ROBO2: variants seen among roughly 807,000 people sequenced by gnomAD.
ROBO2 encodes roundabout homolog 2.
A neutral mutation model predicts 160.8 loss-of-function variants in ROBO2; 53 were observed. The ratio of observed to expected loss-of-function variants is 0.33; its 90% confidence interval spans 0.26 to 0.41. The LOEUF (loss-of-function observed/expected upper bound fraction) is 0.41. Among genes scored for constraint, ROBO2 ranks in the 10% least tolerant of loss-of-function variants. ROBO2 has a pLI of 1.00. For missense variants in ROBO2, 1,577 were observed against 1,722.4 expected, an observed-to-expected ratio of 0.92 and a Z score of 1.49; for synonymous variants, 664 against 611.7, an observed-to-expected ratio of 1.09 and a Z score of -1.26.
intron 2 of ROBO2, among the ~76,000 whole-genome samples, chr3:76,883,810 T>C (rs1166982): frequency 0.02 from 3,014 of 152,302 alleles, 95 homozygotes; most frequent in African/African-American, 0.069. Context: ...TGTTCAACAA[T>C]ATTATCTCTC....
At chr3:75,927,588 G>A (rs4856029) in intron 1 of ROBO2, among the ~76,000 whole-genome samples, 17,776 of 152,134 alleles carry the variant, frequency 0.12, 1,081 homozygotes, top group South Asian at 0.14. Context: ...AAGCTAACAC[G>A]AGCAGGTAGC....
intron 2 of ROBO2, among the ~76,000 whole-genome samples, chr3:76,033,555 G>A (rs1248439951): frequency 1.3e-5 from 2 of 152,204 alleles, no homozygotes; most frequent in Admixed American, 1.3e-4. Context: ...ACACTGAAAA[G>A]TTAGCAATAA....
At chr3:77,640,554 G>A (rs530637011) in intron 24 of ROBO2, among the ~76,000 whole-genome samples, 6 of 152,240 alleles carry the variant, frequency 3.9e-5, no homozygotes, top group Admixed American at 2.0e-4. Context: ...CCAAGCTGGA[G>A]ATTTTTAATT....
intron 2 of ROBO2, among the ~76,000 whole-genome samples, chr3:76,790,522 T>G (rs2108726201): frequency 6.6e-6 from 1 of 151,850 alleles, no homozygotes; most frequent in South Asian, 2.1e-4. Flanking sequence ...ATCAAAAATG[T>G]ATTTAATACA....
At chr3:76,867,336 T>C (rs577045848) in intron 2 of ROBO2, among the ~76,000 whole-genome samples, 3 of 152,332 alleles carry the variant, frequency 2.0e-5, no homozygotes, top group East Asian at 3.9e-4. Flanking sequence ...AGTCTAGTGC[T>C]ATTGAGGAAT....
At chr3:77,613,794 A>G (rs1462268495) in intron 21 of ROBO2, among the ~76,000 whole-genome samples, 3 of 152,358 alleles carry the variant, frequency 2.0e-5, no homozygotes, top group African/African-American at 4.8e-5. Context: ...AAAGTTAAAT[A>G]CTAAAATAAA....
At chr3:77,151,646 T>C (rs1368152676) in intron 2 of ROBO2, among the ~76,000 whole-genome samples, 1 of 152,202 alleles carries the variant, frequency 6.6e-6, no homozygotes, top group African/African-American at 2.4e-5. Context: ...ATGGCTTAAG[T>C]ATTTTCTTTC....
chr3:77,184,156 A>G (rs1362603117), intron 2 of ROBO2, among the ~76,000 whole-genome samples: 3 of 151,996 alleles, frequency 2.0e-5, no homozygotes, highest in Non-Finnish European at 2.9e-5. Context: ...CATAACCTGA[A>G]TCTCCAGAGC....
At chr3:77,440,948 C>T (rs1044928458) in intron 2 of ROBO2, among the ~76,000 whole-genome samples, 4 of 152,052 alleles carry the variant, frequency 2.6e-5, no homozygotes, top group Non-Finnish European at 5.9e-5. Flanking sequence ...TTCTTTTCTC[C>T]CATGCCTCCC....
At chr3:76,952,268 C>CTTATTT (rs2079001086) in intron 2 of ROBO2, among the ~76,000 whole-genome samples, 5 of 152,084 alleles carry the variant, frequency 3.3e-5, no homozygotes, top group South Asian at 2.1e-4. Context: ...TGCATTGTAA[C>CTTATTT]CTATTTTTAT....
chr3:77,336,166 A>C (rs2066476129), intron 2 of ROBO2, among the ~76,000 whole-genome samples: 1 of 152,158 alleles, frequency 6.6e-6, no homozygotes, highest in Non-Finnish European at 1.5e-5. Flanking sequence ...TTCTACTTGC[A>C]CAAATGCAGT....
intron 4 of ROBO2, 141 bp from the exon 5 acceptor site, chr3:77,493,102 CT>C: frequency 1.3e-6 from 1 of 776,262 alleles, no homozygotes; most frequent in South Asian, 1.5e-5. Context: ...TTCACAAGGC[CT>C]TATTAAAACA....
intron 2 of ROBO2, among the ~76,000 whole-genome samples, chr3:76,524,877 C>T (rs1055176185): frequency 4.8e-5 from 2 of 41,662 alleles, no homozygotes; most frequent in Non-Finnish European, 1.1e-4. Context: ...TAAGTAAAAT[C>T]AGATACATCA....
At chr3:75,924,479 C>T (rs1006542945) in intron 1 of ROBO2, among the ~76,000 whole-genome samples, 14 of 151,784 alleles carry the variant, frequency 9.2e-5, no homozygotes, top group African/African-American at 3.4e-4. Context: ...GATGATAACT[C>T]GATTTTAGCA....
At chr3:76,288,636 A>G (rs1708649637) in intron 2 of ROBO2, among the ~76,000 whole-genome samples, 1 of 152,072 alleles carries the variant, frequency 6.6e-6, no homozygotes, top group Non-Finnish European at 1.5e-5. Flanking sequence ...CTTCGCTCTC[A>G]TCCCATTCTC....
chr3:77,572,225 A>G (rs140464235), intron 13 of ROBO2, among the ~76,000 whole-genome samples: 3 of 152,190 alleles, frequency 2.0e-5, no homozygotes, highest in African/African-American at 7.2e-5. Flanking sequence ...CAGTATATAA[A>G]TTCACTTAAA....
intron 2 of ROBO2, among the ~76,000 whole-genome samples, chr3:76,165,409 G>T (rs895629113): frequency 6.6e-6 from 1 of 151,224 alleles, no homozygotes; most frequent in African/African-American, 2.4e-5. Context: ...AGAGGGCCTT[G>T]CTCTGGATGA....
intron 2 of ROBO2, among the ~76,000 whole-genome samples, chr3:77,222,128 G>A (rs2085897328): frequency 6.6e-6 from 1 of 152,106 alleles, no homozygotes; most frequent in African/African-American, 2.4e-5. Context: ...TGGGATTACA[G>A]GCATGAGCCA....
At chr3:77,016,122 G>A (rs566143068) in intron 2 of ROBO2, among the ~76,000 whole-genome samples, 34 of 151,930 alleles carry the variant, frequency 2.2e-4, no homozygotes, top group African/African-American at 3.6e-4. Flanking sequence ...GACTACAGGC[G>A]CCCGCCACCA....
Sources: gnomAD v4.1 joint callset for allele counts (sites outside exome capture counted in the v4.1 genomes callset) on GRCh38, gnomAD v4.1.1 for gene constraint, MANE v1.5 for transcripts, NCBI Gene and HGNC (gene_info 2026-07-23, HGNC 2026-07-21) for gene names.